NEIL3: variants seen among roughly 807,000 people sequenced by gnomAD.
The protein encoded by NEIL3 is endonuclease 8-like 3.
NEIL3 carries 48 observed loss-of-function variants against 57.5 expected under a neutral mutation model. The observed-to-expected ratio is 0.83, with a 90% CI of 0.66 to 1.06. NEIL3 has a LOEUF of 1.06. NEIL3 is among the 50% of genes least tolerant of loss of function. NEIL3 has a pLI of 0.00. For synonymous variants in NEIL3, 261 were observed against 253.2 expected (o/e 1.03, Z -0.29); for missense variants, 717 against 739.1 (o/e 0.97, Z 0.35).
intron 2 of NEIL3, among the ~76,000 whole-genome samples, chr4:177,327,308 G>A (rs920707575): frequency 1.2e-4 from 18 of 152,026 alleles, no homozygotes; most frequent in African/African-American, 3.6e-4. Context: ...TGCTAAACTC[G>A]TTATAGTTCT....
chr4:177,317,592 C>CTTTTGTTTTTTTT (rs1734598609), intron 1 of NEIL3, among the ~76,000 whole-genome samples: 1 of 79,044 alleles, frequency 1.3e-5, no homozygotes, highest in African/African-American at 4.9e-5. Flanking sequence ...TTAGAACTTT[C>CTTTTGTTTTTTTT]TTTTCTTTTT....
chr4:177,341,161 A>C (rs1305842148), intron 5 of NEIL3, among the ~76,000 whole-genome samples: 2 of 152,170 alleles, frequency 1.3e-5, no homozygotes, highest in Admixed American at 6.5e-5. Context: ...AAGCCTTAAA[A>C]GTGTAAAAGA....
intron 1 of NEIL3, among the ~76,000 whole-genome samples, chr4:177,321,199 A>G (rs1176088636): frequency 6.6e-6 from 1 of 152,104 alleles, no homozygotes; most frequent in Non-Finnish European, 1.5e-5. Flanking sequence ...CTGTTTTATA[A>G]TTATATCTTG....
chr4:177,338,371 C>T (rs1451116930), intron 4 of NEIL3, among the ~76,000 whole-genome samples: 1 of 152,170 alleles, frequency 6.6e-6, no homozygotes, highest in Non-Finnish European at 1.5e-5. Flanking sequence ...CAAGTCCATA[C>T]ATACTGAAGT....
chr4:177,358,354 C>A (rs145040335), intron 8 of NEIL3, among the ~76,000 whole-genome samples: 2,143 of 152,176 alleles, frequency 0.014, 54 homozygotes, highest in African/African-American at 0.049. Flanking sequence ...TGTTGCCAGG[C>A]TGGAGTGCAA....
rs371241769 is a variant in NEIL3 at position 177,341,457 on chromosome 4, T to C, written c.703-19T>C. The C allele has an allele frequency of 1.9e-6, 3 of 1,543,146 alleles. No homozygotes were observed. The highest frequency in any genetic ancestry group is 1.8e-4 in the Middle Eastern group (1 of 5,650). ...CTGTTTTGTGGATAACAGAATTTTT[T>C]GGTTTTTTTTTTTTTTAGTGCCGTA... On this transcript the variant is annotated intron_variant, in intron 5 of 9. Coordinates refer to ENST00000264596, the MANE Select transcript of NEIL3 (RefSeq NM_018248.3).
chr4:177,340,287 T>C (rs1471214942), intron 5 of NEIL3, among the ~76,000 whole-genome samples: 1 of 152,210 alleles, frequency 6.6e-6, no homozygotes. Context: ...TTGGATAACT[T>C]TATTTAAGTT....
chr4:177,326,841 A>G (rs2200884), intron 2 of NEIL3, among the ~76,000 whole-genome samples: 6,749 of 152,066 alleles, frequency 0.044, 308 homozygotes, highest in East Asian at 0.28. Flanking sequence ...CTAATTGTTC[A>G]TTTGCAGTGT....
At chr4:177,322,345 C>A in intron 1 of NEIL3, 114 bp from the exon 2 acceptor site, 1 of 1,333,102 alleles carries the variant, frequency 7.5e-7, no homozygotes, top group South Asian at 1.4e-5. Flanking sequence ...TTATTCTTCT[C>A]ATTGGAATGC....
chr4:177,362,635 TG>T lies in NEIL3; in HGVS notation c.*166del. ...CTTGTGTGTGCCATCTTTCCATTGT[TG>T]GCTACGTCTTTTCTTTTGCCTTGAT... On this transcript the variant is annotated 3_prime_UTR_variant, in exon 10 of 10. Transcript: ENST00000264596. The T allele has an allele frequency of 1.9e-6, 1 of 539,826 alleles. No homozygotes were observed. Among genetic ancestry groups the T allele is most frequent in the Non-Finnish European group, 3.2e-6 (1 of 317,044 alleles). The allele number at this position is 539,826 out of a possible 1,614,324, so 33.4% of individuals were successfully genotyped here. A position where few individuals can be genotyped will look rare whatever the true frequency, so the allele number is the denominator to read the frequency against.
intron 6 of NEIL3, among the ~76,000 whole-genome samples, chr4:177,350,411 GT>G (rs2110926597): frequency 6.6e-6 from 1 of 152,278 alleles, no homozygotes; most frequent in South Asian, 2.1e-4. Flanking sequence ...AAAATACATG[GT>G]CAATGAAGGA....
intron 8 of NEIL3, among the ~76,000 whole-genome samples, chr4:177,360,169 A>G (rs1735579831): frequency 6.6e-6 from 1 of 152,246 alleles, no homozygotes; most frequent in Non-Finnish European, 1.5e-5. Context: ...GAGGAAAAAG[A>G]AGTGGCTACA....
At chr4:177,344,284 C>G (rs1034025650) in intron 6 of NEIL3, among the ~76,000 whole-genome samples, 1 of 152,164 alleles carries the variant, frequency 6.6e-6, no homozygotes, top group African/African-American at 2.4e-5. Flanking sequence ...ATGATTTGCC[C>G]TGTTCTTAGA....
At chr4:177,357,412 A>G (rs1735497605) in intron 8 of NEIL3, among the ~76,000 whole-genome samples, 1 of 150,154 alleles carries the variant, frequency 6.7e-6, no homozygotes. Flanking sequence ...ACTGTATTTT[A>G]TGTGTGGCCC....
chr4:177,317,107 T>C (rs1053648003), intron 1 of NEIL3, among the ~76,000 whole-genome samples: 3 of 152,252 alleles, frequency 2.0e-5, no homozygotes, highest in African/African-American at 7.2e-5. Context: ...TATAAGTTAA[T>C]ATCTACCTTG....
the NEIL3 span, among the ~76,000 whole-genome samples, chr4:177,368,934 A>T: frequency 6.6e-6 from 1 of 152,232 alleles, no homozygotes; most frequent in East Asian, 1.9e-4. Flanking sequence ...ATTTAGGGAC[A>T]TATAGAGATG....
At chr4:177,336,630 A>C (rs1734984755) in intron 4 of NEIL3, among the ~76,000 whole-genome samples, 1 of 152,132 alleles carries the variant, frequency 6.6e-6, no homozygotes, top group African/African-American at 2.4e-5. Flanking sequence ...TATTATACTG[A>C]TTGTTTAAAA....
chr4:177,340,741 G>A (rs11940019), intron 5 of NEIL3, among the ~76,000 whole-genome samples: 28,583 of 151,958 alleles, frequency 0.19, 2,782 homozygotes, highest in Non-Finnish European at 0.22. Context: ...CAGCTCATAC[G>A]TGGTGAGCCA....
In NEIL3 at chr4:177,341,588, T is replaced by G. The variant is rs773941010; in HGVS notation, c.815T>G (p.Met272Arg). ...TGCCGCTTTGGGGACAATAACAGAATGACATATTTCTGTCCTCACTGTCAA... is the reference window on the plus strand; with the variant it reads ...TGCCGCTTTGGGGACAATAACAGAAGGACATATTTCTGTCCTCACTGTCAA... ...TVCRFGDNNR[M>R]TYFCPHCQKE... is the part of the protein sequence containing the mutation. The change falls in exon 6 of 10, where the codon ATG (methionine) becomes AGG (arginine). Residue 272 changes from methionine to arginine, a missense_variant. Transcript: ENST00000264596. The G allele has an allele frequency of 9.3e-6, 15 of 1,613,662 alleles. No individual in the cohort carries two copies. The highest frequency in any genetic ancestry group is 1.6e-4 in the Middle Eastern group (1 of 6,082).
Sources: allele counts gnomAD v4.1 joint callset (sites outside exome capture counted in the v4.1 genomes callset), GRCh38; gene constraint gnomAD v4.1.1; transcripts MANE v1.5; gene names NCBI Gene and HGNC (gene_info 2026-07-23, HGNC 2026-07-21).